PCDHGA12: variants seen among roughly 807,000 people sequenced by gnomAD.
PCDHGA12 encodes the protein protocadherin gamma subfamily A, 12, also known as protocadherin gamma-A12.
In PCDHGA12, 43 loss-of-function variants were observed where a neutral mutation model predicts 61.1. The ratio of observed to expected loss-of-function variants is 0.70; its 90% confidence interval spans 0.55 to 0.91. The LOEUF is 0.91. Among genes scored for constraint, PCDHGA12 ranks in the 40% least tolerant of loss-of-function variants. The pLI, the probability that PCDHGA12 is intolerant of heterozygous loss-of-function variation, is 0.00. For synonymous variants in PCDHGA12, 520 were observed against 542.9 expected, an observed-to-expected ratio of 0.96 and a Z score of 0.59; for missense variants, 1,236 against 1,227.7, an observed-to-expected ratio of 1.01 and a Z score of -0.10.
chr5:141,432,706 C>G lies in PCDHGA12; in HGVS notation c.1947C>G (p.His649Gln), dbSNP rs761752571. The G allele has an allele frequency of 6.2e-7, 1 of 1,613,988 alleles. No homozygotes were observed. Among genetic ancestry groups the G allele is most frequent in the African/African-American group, 1.3e-5 (1 of 75,072 alleles). Reference sequence around the variant, plus strand: ...GCCTCGTAGTGGCCGTCCAGGACCACGGCCAGCCCCCTCTCTCCGCCACTG... The same window carrying G: ...GCCTCGTAGTGGCCGTCCAGGACCAGGGCCAGCCCCCTCTCTCCGCCACTG... ...KQSLVVAVQDHGQPPLSATVT... is the reference protein window; with the variant it reads ...KQSLVVAVQDQGQPPLSATVT... The change falls in exon 1 of 4, where the codon CAC (histidine) becomes CAG (glutamine). Residue 649 changes from histidine to glutamine, a missense_variant. By Grantham distance (24) the His-to-Gln change is conservative (BLOSUM62 0). Transcript: ENST00000252085. The surrounding 1 kb of genome is among the most constrained non-coding windows in gnomAD (Gnocchi z 6.0).
At position 141,486,135 on chromosome 5, in the gene PCDHGA12, G is replaced by A. The variant is rs145871538; in HGVS notation, c.2425-8672G>A. ...GAGAATTACTATGAATTTGATGTGC[G>A]GGCTCGCGATGGGGGTTCTCCAGCC... On this transcript the variant is annotated intron_variant, in intron 1 of 3. Transcript: ENST00000252085. This position sits in a 1 kb window ranked among gnomAD's most constrained non-coding sequence, Gnocchi z 5.0. The A allele has an allele frequency of 1.9e-6, 3 of 1,614,168 alleles. No homozygotes were observed. Among genetic ancestry groups the A allele is most frequent in the Non-Finnish European group, 2.5e-6 (3 of 1,180,022 alleles).
At position 141,444,152 on chromosome 5, in the gene PCDHGA12, A is replaced by ATT. The variant is rs747671382; in HGVS notation, c.2424+11004_2424+11005dup. ...GATATGTGTCACTTGTGTGTACTGG[A>ATT]TTTTTTTTTTTTTTTTTTTTTTTTT... On this transcript the variant is annotated intron_variant, in intron 1 of 3. Coordinates refer to ENST00000252085, the MANE Select transcript of PCDHGA12 (RefSeq NM_003735.3). Among the ~76,000 whole-genome samples, 286 of 33,894 alleles carry ATT rather than the reference A, an allele frequency of 8.4e-3. 107 individuals carry two copies. The highest frequency in any genetic ancestry group is 0.011 in the African/African-American group (76 of 7,180). The allele number at this position is 33,894 out of a possible 152,430, so 22.2% of individuals were successfully genotyped here. A position where few individuals can be genotyped will look rare whatever the true frequency, so the allele number is the denominator to read the frequency against.
chr5:141,437,591 G>T (rs1177672004), intron 1 of PCDHGA12, among the ~76,000 whole-genome samples: 5 of 152,170 alleles, frequency 3.3e-5, no homozygotes, highest in Non-Finnish European at 7.3e-5. Flanking sequence ...GAATTGGATA[G>T]TTCTGGTGTA....
intron 1 of PCDHGA12, among the ~76,000 whole-genome samples, chr5:141,444,395 T>A (rs960583048): frequency 1.3e-5 from 2 of 151,996 alleles, no homozygotes; most frequent in Non-Finnish European, 2.9e-5. Context: ...AGTCTTGAAC[T>A]CCCAACCTCA....
chr5:141,489,530 G>C lies in PCDHGA12; in HGVS notation c.2425-5277G>C, dbSNP rs751249228. 17 of 1,614,092 alleles carry C rather than the reference G, an allele frequency of 1.1e-5. 1 individual carries two copies. In the South Asian group the frequency reaches 1.9e-4, roughly 18 times the overall value. ...AAGATTGACCGAGAAAGCCTATGTG[G>C]AGCCAGCACCAGCTGCCTGCTGCCA... On this transcript the variant is annotated intron_variant, in intron 1 of 3. Coordinates refer to ENST00000252085, the MANE Select transcript of PCDHGA12 (RefSeq NM_003735.3). The surrounding 1 kb of genome is among the most constrained non-coding windows in gnomAD (Gnocchi z 4.5).
intron 3 of PCDHGA12, among the ~76,000 whole-genome samples, chr5:141,506,564 G>A (rs984395438): frequency 5.3e-5 from 8 of 152,016 alleles, no homozygotes; most frequent in East Asian, 1.9e-4. Context: ...AAACCCCCTC[G>A]GTTTCACTTA....
chr5:141,470,671 C>T (rs2099236433), intron 1 of PCDHGA12, among the ~76,000 whole-genome samples: 1 of 152,064 alleles, frequency 6.6e-6, no homozygotes, highest in African/African-American at 2.4e-5. Context: ...TAGGGCTCTG[C>T]TGTTACCATC....
intron 1 of PCDHGA12, among the ~76,000 whole-genome samples, chr5:141,445,700 A>G (rs2098474731): frequency 6.6e-6 from 1 of 152,216 alleles, no homozygotes; most frequent in Non-Finnish European, 1.5e-5. Flanking sequence ...TAAAAAAGAA[A>G]TTGTCAGGCA....
rs561824381 is a variant in PCDHGA12 at position 141,449,084 on chromosome 5, C to T, written c.2424+15901C>T. Among the ~76,000 whole-genome samples, 8 of 152,250 alleles carry T rather than the reference C, an allele frequency of 5.3e-5. No individual in the cohort carries two copies. In the East Asian group the frequency reaches 1.4e-3, roughly 26 times the overall value. The stretch of plus-strand genomic sequence containing the variant: ...CTATTGAATAGCCCTGTACCTACAT[C>T]AGTTTTTACATATGCAGTATATCTT... On this transcript the variant is annotated intron_variant, in intron 1 of 3. Transcript: ENST00000252085.
chr5:141,433,906 A>G (rs1218318743), intron 1 of PCDHGA12, among the ~76,000 whole-genome samples: 1 of 151,412 alleles, frequency 6.6e-6, no homozygotes, highest in Non-Finnish European at 1.5e-5. Flanking sequence ...ATCACTTATT[A>G]CAATCACCTC....
At position 141,486,092 on chromosome 5, in the gene PCDHGA12, C is replaced by T. The variant is rs2099624294; in HGVS notation, c.2425-8715C>T. The T allele has an allele frequency of 3.7e-6, 6 of 1,614,148 alleles. No homozygotes were observed. In the East Asian group the frequency reaches 1.3e-4, roughly 36 times the overall value. On this transcript the variant is annotated intron_variant, in intron 1 of 3. Coordinates refer to ENST00000252085, the MANE Select transcript of PCDHGA12 (RefSeq NM_003735.3). This position sits in a 1 kb window ranked among gnomAD's most constrained non-coding sequence, Gnocchi z 5.0. Reference sequence around the variant, plus strand: ...TACTGGAAAGCTTACTCTTTTGGGGCCCCTAGACTTTGAGAGTGAGAATTA... The same window carrying T: ...TACTGGAAAGCTTACTCTTTTGGGGTCCCTAGACTTTGAGAGTGAGAATTA...
intron 1 of PCDHGA12, among the ~76,000 whole-genome samples, chr5:141,464,197 G>A (rs1216682352): frequency 3.3e-5 from 5 of 151,394 alleles, no homozygotes; most frequent in African/African-American, 9.7e-5. Context: ...TTCAGGAGGC[G>A]GAGATTGCAG....
rs1299607088 is a variant in PCDHGA12 at position 141,472,933 on chromosome 5, C to T, written c.2425-21874C>T. ...CCCAAGAGGAGGAGGTTGTGGTGAG[C>T]CAAGATTATGCCATTGCACTCCAGC... On this transcript the variant is annotated intron_variant, in intron 1 of 3. Coordinates refer to ENST00000252085, the MANE Select transcript of PCDHGA12 (RefSeq NM_003735.3). Among the ~76,000 whole-genome samples, 4 of 143,758 alleles carry T rather than the reference C, an allele frequency of 2.8e-5. No individual in the cohort carries two copies. In the Admixed American group the frequency reaches 2.9e-4, roughly 10 times the overall value. 94.3% of individuals were successfully genotyped at this position (143,758 alleles called of 152,430 possible). A position where few individuals can be genotyped will look rare whatever the true frequency, so the allele number is the denominator to read the frequency against.
In PCDHGA12 at chr5:141,432,272, G is replaced by A. The variant is rs772255343; in HGVS notation, c.1513G>A (p.Val505Met). The change falls in exon 1 of 4, where the codon GTG (valine) becomes ATG (methionine). Residue 505 changes from valine to methionine, a missense_variant. Physicochemically the swap from Val to Met is conservative, Grantham distance 21. Transcript: ENST00000252085. The surrounding 1 kb of genome is among the most constrained non-coding windows in gnomAD (Gnocchi z 6.0). Reference protein sequence around the residue: ...TIQGASLSSYVSINSDTGVLY... With the variant: ...TIQGASLSSYMSINSDTGVLY... ...CCAAGGGGCAAGCCTATCGTCCTAC[G>A]TGTCCATCAACTCCGACACTGGGGT... 1 of 1,614,210 alleles carries A rather than the reference G, an allele frequency of 6.2e-7. No individual in the cohort carries two copies. Among genetic ancestry groups the A allele is most frequent in the South Asian group, 1.1e-5 (1 of 91,086 alleles).
intron 3 of PCDHGA12, chr5:141,506,988 A>G (rs1364718512): frequency 1.3e-5 from 2 of 152,192 alleles, no homozygotes; most frequent in Non-Finnish European, 2.9e-5. Context: ...CTGATTTCTC[A>G]CACTCGACAG....
At chr5:141,450,292 C>T (rs1310226132) in intron 1 of PCDHGA12, among the ~76,000 whole-genome samples, 2 of 152,066 alleles carry the variant, frequency 1.3e-5, no homozygotes, top group African/African-American at 2.4e-5. Context: ...GGATTACAGG[C>T]GTGAGCCACC....
At chr5:141,509,481 A>G (rs2099877035) in intron 3 of PCDHGA12, among the ~76,000 whole-genome samples, 1 of 152,010 alleles carries the variant, frequency 6.6e-6, no homozygotes, top group Admixed American at 6.6e-5. Flanking sequence ...TGAGGGGTAG[A>G]GGTGATGGCA....
chr5:141,495,384 C>A (rs2099760896), intron 2 of PCDHGA12, among the ~76,000 whole-genome samples: 1 of 152,190 alleles, frequency 6.6e-6, no homozygotes, highest in African/African-American at 2.4e-5. Flanking sequence ...AAGGACTGGG[C>A]GGGGCATGGA....
At position 141,491,381 on chromosome 5, in the gene PCDHGA12, C is replaced by CT. The variant is rs1554177905; in HGVS notation, c.2425-3426_2425-3425insT. The CT allele has an allele frequency of 2.8e-5, 45 of 1,614,068 alleles. No individual in the cohort carries two copies. Among genetic ancestry groups the CT allele is most frequent in the Non-Finnish European group, 3.5e-5 (41 of 1,179,950 alleles). On this transcript the variant is annotated intron_variant, in intron 1 of 3. Coordinates refer to ENST00000252085, the MANE Select transcript of PCDHGA12 (RefSeq NM_003735.3). This position sits in a 1 kb window ranked among gnomAD's most constrained non-coding sequence, Gnocchi z 6.9. ...CTAGTCACCTTCACCTTTCTGTCAG[C>CT]GAAGTGCCTTCAGGGAAACGCAGAC...
Sources: allele counts gnomAD v4.1 joint callset (sites outside exome capture counted in the v4.1 genomes callset), GRCh38; gene constraint gnomAD v4.1.1; non-coding constraint Gnocchi (gnomAD v3.1); transcripts MANE v1.5; gene names NCBI Gene and HGNC (gene_info 2026-07-23, HGNC 2026-07-21).